ELF5: variants seen among roughly 807,000 people sequenced by gnomAD.
The protein encoded by ELF5 is ETS-related transcription factor Elf-5.
ELF5 carries 31 observed loss-of-function variants against 38.2 expected under a neutral mutation model. That is an observed-to-expected ratio of 0.81 (90% CI 0.61 to 1.10). The LOEUF (loss-of-function observed/expected upper bound fraction) is 1.10, where lower values mean the gene tolerates loss of function less well. ELF5 is among the 50% of genes least tolerant of loss of function. The pLI, the probability that ELF5 is intolerant of heterozygous loss-of-function variation, is 0.00. For synonymous variants in ELF5, 121 were observed against 112.5 expected, an observed-to-expected ratio of 1.08 and a Z score of -0.48; for missense variants, 300 against 306.6, an observed-to-expected ratio of 0.98 and a Z score of 0.16.
At chr11:34,501,665 G>A (rs945480360) in intron 2 of ELF5, among the ~76,000 whole-genome samples, 5 of 152,084 alleles carry the variant, frequency 3.3e-5, no homozygotes, top group African/African-American at 7.2e-5. Context: ...GGCAGGGTAA[G>A]TTCATGAAAT....
intron 2 of ELF5, among the ~76,000 whole-genome samples, chr11:34,504,946 C>T (rs747289390): frequency 6.6e-6 from 1 of 152,196 alleles, no homozygotes; most frequent in Non-Finnish European, 1.5e-5. Flanking sequence ...TACATATTTA[C>T]ACCCTTTGGC....
At chr11:34,509,177 A>C (rs1850690516) in intron 1 of ELF5, among the ~76,000 whole-genome samples, 1 of 152,150 alleles carries the variant, frequency 6.6e-6, no homozygotes, top group African/African-American at 2.4e-5. Flanking sequence ...TAAAAACACA[A>C]CAATTAGCTG....
At chr11:34,489,076 C>T (rs952644713) in intron 4 of ELF5, among the ~76,000 whole-genome samples, 9 of 152,210 alleles carry the variant, frequency 5.9e-5, no homozygotes, top group Non-Finnish European at 1.0e-4. Flanking sequence ...AGGGCAGCTG[C>T]GGTCTGCAGA....
chr11:34,480,277 G>A lies in ELF5; in HGVS notation c.709C>T (p.Arg237Ter), dbSNP rs758047118. The change falls in exon 7 of 7, where the codon CGA becomes TGA. Residue 237 changes from arginine (R) to a stop codon, truncating the protein, a stop_gained. Coordinates refer to ENST00000257832, the MANE Select transcript of ELF5 (RefSeq NM_001422.4). LOFTEE classifies it high-confidence loss of function. ...TTTCCAAATTTGTACACTAACCTTCGGTCAACCCGCTCCAAAATTCCTGTT... is the reference window on the plus strand; with the variant it reads ...TTTCCAAATTTGTACACTAACCTTCAGTCAACCCGCTCCAAAATTCCTGTT... ...YKTGILERVD[R>*]RLVYKFGKNA... 1.3e-5 allele frequency: 21 copies of A among 1,613,768 alleles called. No homozygotes were observed. The highest frequency in any genetic ancestry group is 3.3e-5 in the South Asian group (3 of 91,076).
At chr11:34,510,678 T>A (rs996745800) in intron 1 of ELF5, among the ~76,000 whole-genome samples, 3 of 152,124 alleles carry the variant, frequency 2.0e-5, no homozygotes, top group Non-Finnish European at 4.4e-5. Flanking sequence ...GATGAGTTCT[T>A]GGGGATCAAA....
intron 1 of ELF5, among the ~76,000 whole-genome samples, chr11:34,509,191 A>G (rs1265402405): frequency 6.6e-6 from 1 of 152,132 alleles, no homozygotes; most frequent in Non-Finnish European, 1.5e-5. Context: ...TTAGCTGGGC[A>G]TGGTGGTGCA....
At position 34,479,438 on chromosome 11, in the gene ELF5, G is replaced by A. The variant is rs910474701; in HGVS notation, c.*780C>T. On this transcript the variant is annotated 3_prime_UTR_variant, in exon 7 of 7. Transcript: ENST00000257832. ...GGTTAATGTTAAGTGTTTAAGTCCA[G>A]AAGGATGTCTGTGGAAGTTTTGCTG... is the stretch of plus-strand genomic sequence containing the variant. 2.6e-5 allele frequency: 4 copies of A among 152,244 alleles called. No individual in the cohort carries two copies. The highest frequency in any genetic ancestry group is 9.6e-5 in the African/African-American group (4 of 41,464). 9.4% of individuals were successfully genotyped at this position (152,244 alleles called of 1,614,324 possible).
At chr11:34,486,593 AGT>A (rs1030166005) in intron 4 of ELF5, among the ~76,000 whole-genome samples, 2 of 152,178 alleles carry the variant, frequency 1.3e-5, no homozygotes, top group Admixed American at 6.5e-5. Flanking sequence ...TGCATGTGTG[AGT>A]GTGCATAGCA....
At chr11:34,505,921 C>T (rs1261938428) in intron 1 of ELF5, among the ~76,000 whole-genome samples, 168 bp from the exon 2 acceptor site, 1 of 152,184 alleles carries the variant, frequency 6.6e-6, no homozygotes, top group Non-Finnish European at 1.5e-5. Flanking sequence ...CATTATTCCA[C>T]CCTTGCCATA....
At position 34,509,354 on chromosome 11, in the gene ELF5, C is replaced by T. The variant is rs79047302; in HGVS notation, c.-4-3601G>A. Among the ~76,000 whole-genome samples the T allele has an allele frequency of 7.2e-3, 1,096 of 152,186 alleles. 18 individuals are homozygous for T. Among genetic ancestry groups the T allele is most frequent in the African/African-American group, 0.024 (1,002 of 41,522 alleles). ...AAAACAACAACAACAACAACAAAAA[C>T]GTGCATGAGAACTCCTCTCCAGATG... is the stretch of plus-strand genomic sequence containing the variant. On this transcript the variant is annotated intron_variant, in intron 1 of 6. Transcript: ENST00000257832.
chr11:34,486,916 G>A (rs933192464), intron 4 of ELF5, among the ~76,000 whole-genome samples: 1 of 152,200 alleles, frequency 6.6e-6, no homozygotes, highest in African/African-American at 2.4e-5. Context: ...TCTTTGGATG[G>A]GACATCAGCA....
At chr11:34,493,828 GGCCTCCA>G in intron 2 of ELF5, 116 bp from the exon 3 acceptor site, 3 of 874,714 alleles carry the variant, frequency 3.4e-6, no homozygotes, top group Non-Finnish European at 5.3e-6. Flanking sequence ...AAGTTGAAAG[GGCCTCCA>G]GCCCTGGGTG....
At chr11:34,505,566 G>A in intron 2 of ELF5, 63 bp downstream of exon 2, 1 of 1,603,536 alleles carries the variant, frequency 6.2e-7, no homozygotes, top group South Asian at 1.1e-5. Context: ...CCTGCGGCCA[G>A]CACCACCTCC....
intron 4 of ELF5, among the ~76,000 whole-genome samples, chr11:34,486,119 T>A (rs1849989884): frequency 6.6e-6 from 1 of 152,132 alleles, no homozygotes; most frequent in African/African-American, 2.4e-5. Context: ...GGGCCTGAGT[T>A]GCAGGGTTTC....
At chr11:34,510,313 T>TG (rs1850721815) in intron 1 of ELF5, among the ~76,000 whole-genome samples, 1 of 148,006 alleles carries the variant, frequency 6.8e-6, no homozygotes, top group South Asian at 2.1e-4. Flanking sequence ...AAAAAGGTGT[T>TG]TTTTTTTTTT....
chr11:34,506,437 G>A (rs923224960), intron 1 of ELF5, among the ~76,000 whole-genome samples: 78 of 152,222 alleles, frequency 5.1e-4, no homozygotes, highest in African/African-American at 1.8e-3. Context: ...ACCTCAGCAT[G>A]GTGCAATACA....
intron 4 of ELF5, among the ~76,000 whole-genome samples, chr11:34,485,997 A>C (rs532209331): frequency 1.4e-3 from 217 of 152,246 alleles, no homozygotes; most frequent in Non-Finnish European, 2.5e-3. Context: ...GGCTCTCTGC[A>C]GTCTGTGGGA....
At chr11:34,485,173 T>C (rs997720564) in intron 4 of ELF5, among the ~76,000 whole-genome samples, 1 of 144,200 alleles carries the variant, frequency 6.9e-6, no homozygotes, top group Non-Finnish European at 1.6e-5. Context: ...TGAGGAGGGA[T>C]TGGAAGTCCA....
At chr11:34,488,553 C>A (rs1421585102) in intron 4 of ELF5, among the ~76,000 whole-genome samples, 1 of 152,196 alleles carries the variant, frequency 6.6e-6, no homozygotes, top group East Asian at 1.9e-4. Context: ...TCAATAAATG[C>A]TAGCTGTCAT....
Sources: allele counts gnomAD v4.1 joint callset (sites outside exome capture counted in the v4.1 genomes callset), GRCh38; gene constraint gnomAD v4.1.1; transcripts MANE v1.5; gene names NCBI Gene and HGNC (gene_info 2026-07-23, HGNC 2026-07-21).